SAMD4B: variants seen among roughly 807,000 people sequenced by gnomAD.
SAMD4B encodes sterile alpha motif domain containing 4B.
A neutral mutation model predicts 74.5 loss-of-function variants in SAMD4B; 5 were observed. The ratio of observed to expected loss-of-function variants is 0.07; its 90% confidence interval spans 0.04 to 0.14. The LOEUF (loss-of-function observed/expected upper bound fraction) is 0.14, where lower values mean the gene tolerates loss of function less well. SAMD4B is among the 10% of genes least tolerant of loss of function. The pLI, the probability that SAMD4B is intolerant of heterozygous loss-of-function variation, is 1.00. For missense variants in SAMD4B, 608 were observed against 921.8 expected, an observed-to-expected ratio of 0.66 and a Z score of 4.41; for synonymous variants, 373 against 374.9, an observed-to-expected ratio of 1.00 and a Z score of 0.06.
the SAMD4B span, chr19:39,390,712 G>C: frequency 4.1e-6 from 5 of 1,208,314 alleles, no homozygotes; most frequent in Non-Finnish European, 6.0e-6. Flanking sequence ...CGTCAAAGGT[G>C]AGCGCTTCAT....
In SAMD4B at chr19:39,357,051, A is replaced by G. The variant is rs376012758; in HGVS notation, c.158A>G (p.Asn53Ser). 5.0e-6 allele frequency: 8 copies of G among 1,613,162 alleles called. No homozygotes were observed. The African/African-American group carries it at 8.0e-5, about 16-fold the overall frequency. The part of the protein sequence containing the change: ...LCLEHSLADC[N>S]DIHLLESEAN... ...CTGGAGCACTCACTGGCGGACTGCA[A>G]TGACATCCACCTGCTGGAGTCGGAG... Residue 53 changes from asparagine to serine, a missense_variant, in exon 3 of 14, where the codon AAT (asparagine) becomes AGT (serine). Around this residue, in one of 9 missense-constraint regions of SAMD4B, gnomAD observed 74 missense variants for 182.0 expected, o/e 0.41. Coordinates refer to ENST00000610417, the MANE Select transcript of SAMD4B (RefSeq NM_001384574.2).
Position 39,375,981 on chromosome 19 carries a change from C to A in SAMD4B, c.907+92C>A. ...GGAGCTTGTAGCTGACACCTGCTTACCCCTCTGAGGAGGGGACATGTCTGA... is the reference window on the plus strand; with the variant it reads ...GGAGCTTGTAGCTGACACCTGCTTAACCCTCTGAGGAGGGGACATGTCTGA... On this transcript the variant is annotated intron_variant, in intron 5 of 13. Transcript: ENST00000610417. This position sits in a 1 kb window ranked among gnomAD's most constrained non-coding sequence, Gnocchi z 4.1. 1 of 1,514,552 alleles carries A rather than the reference C, an allele frequency of 6.6e-7. No individual in the cohort carries two copies. 93.8% of individuals were successfully genotyped at this position (1,514,552 alleles called of 1,614,324 possible).
downstream of SAMD4B, chr19:39,389,242 T>C (rs1426401362): frequency 2.5e-6 from 4 of 1,606,154 alleles, no homozygotes; most frequent in Non-Finnish European, 2.6e-6. This position sits in a 1 kb window ranked among gnomAD's most constrained non-coding sequence, Gnocchi z 5.3. Flanking sequence ...TGGACACACC[T>C]AATATCTCCA....
chr19:39,389,779 T>C, downstream of SAMD4B: 3 of 1,613,772 alleles, frequency 1.9e-6, no homozygotes, highest in East Asian at 6.7e-5. This position sits in a 1 kb window ranked among gnomAD's most constrained non-coding sequence, Gnocchi z 5.3. Flanking sequence ...GGGAAACACC[T>C]ATTGTGGTGT....
chr19:39,386,306 C>T, downstream of SAMD4B: 2 of 1,614,174 alleles, frequency 1.2e-6, no homozygotes, highest in Non-Finnish European at 1.7e-6. The surrounding 1 kb of genome is among the most constrained non-coding windows in gnomAD (Gnocchi z 6.1). Context: ...TGTCACTGGC[C>T]TCGTCCCTGT....
Position 39,383,383 on chromosome 19 carries a change from C to CA in SAMD4B, c.2056+93dup. 3 of 1,569,736 alleles carry CA rather than the reference C, an allele frequency of 1.9e-6. No individual in the cohort carries two copies. The highest frequency in any genetic ancestry group is 2.6e-6 in the Non-Finnish European group (3 of 1,139,582). ...ACTCAGAGTCATCCTGAGGGGTCCC[C>CA]AGGGGAGGCCAGACTCCAGGGAGGG... On this transcript the variant is annotated intron_variant, in intron 13 of 13. Coordinates refer to ENST00000610417, the MANE Select transcript of SAMD4B (RefSeq NM_001384574.2). This position sits in a 1 kb window ranked among gnomAD's most constrained non-coding sequence, Gnocchi z 4.1.
chr19:39,377,251 C>G (rs1296417763), intron 7 of SAMD4B, among the ~76,000 whole-genome samples: 1 of 152,166 alleles, frequency 6.6e-6, no homozygotes, highest in East Asian at 1.9e-4. Flanking sequence ...GTCCTTGAGA[C>G]TCCAACATTA....
chr19:39,354,795 A>G (rs2076250557), intron 2 of SAMD4B, among the ~76,000 whole-genome samples: 1 of 152,204 alleles, frequency 6.6e-6, no homozygotes. Context: ...ATAATTTGGT[A>G]CAAGATGAGG....
In SAMD4B at chr19:39,378,416, C is replaced by A. The variant is rs1600582908; in HGVS notation, c.1445-88C>A. The A allele has an allele frequency of 1.7e-6, 2 of 1,151,292 alleles. No homozygotes were observed. The highest frequency in any genetic ancestry group is 1.3e-5 in the South Asian group (1 of 79,032). 71.3% of individuals were successfully genotyped at this position (1,151,292 alleles called of 1,614,324 possible). A position where few individuals can be genotyped will look rare whatever the true frequency, so the allele number is the denominator to read the frequency against. ...ATTCATCCAGCCTGAGTCTCCTGTT[C>A]CTTCTTGTGCACGAGCCAGCTGGAG... On this transcript the variant is annotated intron_variant, in intron 8 of 13. Coordinates refer to ENST00000610417, the MANE Select transcript of SAMD4B (RefSeq NM_001384574.2). This position sits in a 1 kb window ranked among gnomAD's most constrained non-coding sequence, Gnocchi z 4.4.
Position 39,375,840 on chromosome 19 carries a change from G to C in SAMD4B, c.858G>C (p.Glu286Asp), listed in dbSNP as rs1166679402. ...CCTCTGGCAGTGAGCAGACAGAGGA[G>C]CAGGGCTCCAGCCGGAACACCTTCC... ...VASSGSEQTEEQGSSRNTFQE... is the reference protein window; with the variant it reads ...VASSGSEQTEDQGSSRNTFQE... The change falls in exon 5 of 14, where the codon GAG becomes GAC. Residue 286 changes from glutamate to aspartate, a missense_variant. Physicochemically the swap from Glu to Asp is conservative, Grantham distance 45 (BLOSUM62 2). Coordinates refer to ENST00000610417, the MANE Select transcript of SAMD4B (RefSeq NM_001384574.2). This position sits in a 1 kb window ranked among gnomAD's most constrained non-coding sequence, Gnocchi z 4.1. The C allele has an allele frequency of 6.2e-7, 1 of 1,612,858 alleles. No homozygotes were observed. The highest frequency in any genetic ancestry group is 1.3e-5 in the African/African-American group (1 of 74,920).
At position 39,375,637 on chromosome 19, in the gene SAMD4B, C is replaced by T. The variant is rs200178650; in HGVS notation, c.668-13C>T. The T allele has an allele frequency of 2.1e-5, 33 of 1,592,344 alleles. No individual in the cohort carries two copies. Among genetic ancestry groups the T allele is most frequent in the Non-Finnish European group, 2.8e-5 (32 of 1,162,228 alleles). On this transcript the variant is annotated splice_polypyrimidine_tract_variant and intron_variant, in intron 4 of 13. Coordinates refer to ENST00000610417, the MANE Select transcript of SAMD4B (RefSeq NM_001384574.2). The surrounding 1 kb of genome is among the most constrained non-coding windows in gnomAD (Gnocchi z 4.1). ...CCAGGTCTAATATTTTGCTTTTCTCCCACTCTGGCCAGGTCTCCCCTGCCA... is the reference window on the plus strand; with the variant it reads ...CCAGGTCTAATATTTTGCTTTTCTCTCACTCTGGCCAGGTCTCCCCTGCCA...
chr19:39,382,323 C>T (rs77622464), intron 12 of SAMD4B, among the ~76,000 whole-genome samples: 5,962 of 152,270 alleles, frequency 0.039, 338 homozygotes, highest in African/African-American at 0.13. Flanking sequence ...GTGTCCCAGG[C>T]TTTGTCAGAC....
At chr19:39,366,242 A>G (rs1465424898) in intron 3 of SAMD4B, among the ~76,000 whole-genome samples, 4 of 152,110 alleles carry the variant, frequency 2.6e-5, no homozygotes, top group Non-Finnish European at 4.4e-5. Flanking sequence ...CTTGAACCCC[A>G]GAGGCAGAGG....
intron 3 of SAMD4B, among the ~76,000 whole-genome samples, chr19:39,364,608 G>C (rs2076846944): frequency 6.6e-6 from 1 of 152,006 alleles, no homozygotes; most frequent in South Asian, 2.1e-4. Flanking sequence ...GGGAATCACT[G>C]TCTTTCTTCT....
downstream of SAMD4B, chr19:39,389,647 G>A (rs201857749): frequency 1.2e-6 from 2 of 1,614,236 alleles, no homozygotes; most frequent in African/African-American, 1.3e-5. The surrounding 1 kb of genome is among the most constrained non-coding windows in gnomAD (Gnocchi z 5.3). Context: ...CACCATTGGG[G>A]TCGATGCGGT....
Position 39,346,961 on chromosome 19 carries a change from T to G in SAMD4B, c.-267+4385T>G, listed in dbSNP as rs572940746. Among the ~76,000 whole-genome samples, 4 of 152,248 alleles carry G rather than the reference T, an allele frequency of 2.6e-5. No homozygotes were observed. In the East Asian group the frequency reaches 7.7e-4, roughly 29 times the overall value. Reference sequence around the variant, plus strand: ...ACTTAGAACAATGTCTTGCCCATAATTGCAATGTTAGAAAAACAATAAAAT... The same window carrying G: ...ACTTAGAACAATGTCTTGCCCATAAGTGCAATGTTAGAAAAACAATAAAAT... On this transcript the variant is annotated intron_variant, in intron 1 of 13. Transcript: ENST00000610417.
At chr19:39,389,020 T>C, downstream of SAMD4B, 1 of 1,614,062 alleles carries the variant, frequency 6.2e-7, no homozygotes, top group Non-Finnish European at 8.5e-7. This position sits in a 1 kb window ranked among gnomAD's most constrained non-coding sequence, Gnocchi z 5.3. Flanking sequence ...TGAGATCTGG[T>C]GGAACAAAAA....
downstream of SAMD4B, chr19:39,390,351 AG>A: frequency 6.7e-7 from 1 of 1,497,756 alleles, no homozygotes; most frequent in East Asian, 2.4e-5. Context: ...AGAATGAAAA[AG>A]GCTTCCCCAA....
In SAMD4B at chr19:39,378,499, C is replaced by T. The variant is rs971425170; in HGVS notation, c.1445-5C>T. On this transcript the variant is annotated splice_region_variant and splice_polypyrimidine_tract_variant and intron_variant, in intron 8 of 13. Transcript: ENST00000610417. The surrounding 1 kb of genome is among the most constrained non-coding windows in gnomAD (Gnocchi z 4.4). ...AACCTCCTGCCCTTTCTCATGTCCC[C>T]CCAGTGTGCACCCAACTGCTGGTGT... 2 of 1,613,814 alleles carry T rather than the reference C, an allele frequency of 1.2e-6. No individual in the cohort carries two copies. The highest frequency in any genetic ancestry group is 1.3e-5 in the African/African-American group (1 of 75,020).
Sources: gnomAD v4.1 joint callset for allele counts (sites outside exome capture counted in the v4.1 genomes callset) on GRCh38, gnomAD v4.1.1 for gene constraint, gnomAD v4.1.1 regional missense constraint, Gnocchi (gnomAD v3.1) non-coding constraint, MANE v1.5 for transcripts, NCBI Gene and HGNC (gene_info 2026-07-23, HGNC 2026-07-21) for gene names.